Variants in RPGRIP1 observed in about 807,000 individuals in gnomAD.
The protein encoded by RPGRIP1 is RPGR interacting protein 1.
Under a neutral mutation model 157.9 loss-of-function variants are expected in RPGRIP1, and 128 were observed. The ratio of observed to expected loss-of-function variants is 0.81; its 90% CI spans 0.70 to 0.94. The LOEUF (loss-of-function observed/expected upper bound fraction) is 0.94, where lower values mean the gene tolerates loss of function less well. Ranked by LOEUF, RPGRIP1 falls within the 40% of genes least tolerant of loss-of-function variation. The pLI is 0.00. For synonymous variants in RPGRIP1, 554 were observed against 571.6 expected (o/e 0.97, Z 0.44); for missense variants, 1,486 against 1,545.8 (o/e 0.96, Z 0.65).
chr14:21,348,081 G>A lies in RPGRIP1; in HGVS notation c.3618-91G>A, dbSNP rs765188552. ...AAGGGAAAAGTGATTCAGAGAAGACGTTGTATTGTTTATGATTACTTTTAT... is the reference window on the plus strand; with the variant it reads ...AAGGGAAAAGTGATTCAGAGAAGACATTGTATTGTTTATGATTACTTTTAT... On this transcript the variant is annotated intron_variant, in intron 23 of 24. Coordinates refer to ENST00000400017, the MANE Select transcript of RPGRIP1 (RefSeq NM_020366.4). 10 of 1,079,036 alleles carry A rather than the reference G, an allele frequency of 9.3e-6. No homozygotes were observed. In the East Asian group the frequency reaches 1.5e-4, roughly 16 times the overall value. 66.8% of individuals were successfully genotyped at this position (1,079,036 alleles called of 1,614,324 possible). A position where few individuals can be genotyped will look rare whatever the true frequency, so the allele number is the denominator to read the frequency against.
chr14:21,328,985 A>G (rs1032165627), intron 19 of RPGRIP1, among the ~76,000 whole-genome samples: 14 of 151,996 alleles, frequency 9.2e-5, no homozygotes, highest in African/African-American at 3.4e-4. Flanking sequence ...CTCTACTAAA[A>G]ATACAAAAAT....
intron 4 of RPGRIP1, among the ~76,000 whole-genome samples, chr14:21,301,704 T>TAATAAG (rs1555365329): frequency 8.5e-6 from 1 of 117,046 alleles, no homozygotes; most frequent in Non-Finnish European, 1.7e-5. Flanking sequence ...ATAATAATAA[T>TAATAAG]AATAATAATA....
intron 1 of RPGRIP1, among the ~76,000 whole-genome samples, chr14:21,282,696 G>A (rs1029130322): frequency 1.5e-5 from 2 of 135,874 alleles, no homozygotes; most frequent in Non-Finnish European, 3.0e-5. Context: ...AGCAAGCTCC[G>A]CCTCCCAGGT....
rs753575515 is a variant in RPGRIP1 at position 21,324,776 on chromosome 14, G to A, written c.1921G>A (p.Ala641Thr). Residue 641 changes from alanine to threonine, a missense_variant, in exon 15 of 25, where the codon GCC (alanine) becomes ACC (threonine). Physicochemically the swap from Ala to Thr is moderately conservative, Grantham distance 58 (BLOSUM62 0). Coordinates refer to ENST00000400017, the MANE Select transcript of RPGRIP1 (RefSeq NM_020366.4). ...CCACCAGGCCTTCCTGACATCTGCCGCCCTAGCTCAGGCTGGAGATACCCA... is the reference window on the plus strand; with the variant it reads ...CCACCAGGCCTTCCTGACATCTGCCACCCTAGCTCAGGCTGGAGATACCCA... ...HIHQAFLTSA[A>T]LAQAGDTQPT... is the part of the protein sequence containing the mutation. The A allele has an allele frequency of 1.4e-5, 22 of 1,613,870 alleles. No homozygotes were observed. The highest frequency in any genetic ancestry group is 8.8e-5 in the South Asian group (8 of 91,088).
chr14:21,340,043 T>C (rs1257183869), intron 21 of RPGRIP1, among the ~76,000 whole-genome samples: 1 of 152,174 alleles, frequency 6.6e-6, no homozygotes, highest in East Asian at 1.9e-4. Flanking sequence ...ACGTTTGAAC[T>C]GAAATCTGAA....
chr14:21,285,943 C>G (rs190564933), intron 1 of RPGRIP1, among the ~76,000 whole-genome samples: 1 of 151,852 alleles, frequency 6.6e-6, no homozygotes, highest in Admixed American at 6.6e-5. Flanking sequence ...GAAAGAGACA[C>G]AGATCACTTG....
rs543898466 is a variant in RPGRIP1 at position 21,291,823 on chromosome 14, G to A, written c.86-2854G>A. Among the ~76,000 whole-genome samples, 7 of 152,218 alleles carry A rather than the reference G, an allele frequency of 4.6e-5. No individual in the cohort carries two copies. In the East Asian group the frequency reaches 5.8e-4, roughly 13 times the overall value. ...TTGCCCAGGCTGGAGGCAACGGTGCGATCTTGGCCCACTGCAACCTCCACC... is the reference window on the plus strand; with the variant it reads ...TTGCCCAGGCTGGAGGCAACGGTGCAATCTTGGCCCACTGCAACCTCCACC... On this transcript the variant is annotated intron_variant, in intron 2 of 24. Coordinates refer to ENST00000400017, the MANE Select transcript of RPGRIP1 (RefSeq NM_020366.4).
At chr14:21,303,030 C>A in intron 5 of RPGRIP1, 1 of 289,698 alleles carries the variant, frequency 3.5e-6, no homozygotes, top group South Asian at 3.8e-5. Context: ...CCACCATGCC[C>A]AGCTAATTTT....
At position 21,321,847 on chromosome 14, in the gene RPGRIP1, G is replaced by A. The variant is rs1199152816; in HGVS notation, c.1612-7G>A. ...GATAGAAAAGTTCAGACATTATTTT[G>A]TTTCAGGAGGAACTGGAGGCAATGA... On this transcript the variant is annotated splice_polypyrimidine_tract_variant and splice_region_variant and intron_variant, in intron 13 of 24. Coordinates refer to ENST00000400017, the MANE Select transcript of RPGRIP1 (RefSeq NM_020366.4). The A allele has an allele frequency of 1.2e-6, 2 of 1,609,108 alleles. No homozygotes were observed. The highest frequency in any genetic ancestry group is 1.7e-6 in the Non-Finnish European group (2 of 1,178,298).
intron 1 of RPGRIP1, among the ~76,000 whole-genome samples, chr14:21,285,218 T>C (rs1880256649): frequency 2.0e-5 from 3 of 151,770 alleles, no homozygotes; most frequent in African/African-American, 7.3e-5. Context: ...GAAGGGGAAG[T>C]GCTCAGTTCA....
intron 3 of RPGRIP1, among the ~76,000 whole-genome samples, chr14:21,296,906 T>A (rs186808402): frequency 1.3e-5 from 2 of 150,426 alleles, no homozygotes; most frequent in Non-Finnish European, 3.0e-5. Flanking sequence ...GAGCCGAAAT[T>A]GTGCCATTGC....
chr14:21,343,811 G>A (rs1055381234), intron 22 of RPGRIP1, among the ~76,000 whole-genome samples: 12 of 122,258 alleles, frequency 9.8e-5, no homozygotes, highest in Admixed American at 4.4e-4. Context: ...CATTTCTTCT[G>A]TTATTTACTT....
Position 21,317,788 on chromosome 14 carries a change from A to G in RPGRIP1, c.1244A>G (p.Asp415Gly). 1 of 1,603,350 alleles carries G rather than the reference A, an allele frequency of 6.2e-7. No homozygotes were observed. The highest frequency in any genetic ancestry group is 1.7e-4 in the Middle Eastern group (1 of 6,052). ...QLQQQVSQLQDQLDAELEDKR... is the reference protein window; with the variant it reads ...QLQQQVSQLQGQLDAELEDKR... Reference sequence around the variant, plus strand: ...CAGCAGCAAGTCTCTCAGCTGCAGGATCAGCTGGATGCTGAGCTGGAGGAC... The same window carrying G: ...CAGCAGCAAGTCTCTCAGCTGCAGGGTCAGCTGGATGCTGAGCTGGAGGAC... Residue 415 changes from aspartate (D) to glycine (G), a missense_variant, in exon 11 of 25, where the codon GAT becomes GGT. Physicochemically the swap from Asp to Gly is moderately conservative, Grantham distance 94. Coordinates refer to ENST00000400017, the MANE Select transcript of RPGRIP1 (RefSeq NM_020366.4).
Position 21,310,384 on chromosome 14 carries a change from G to A in RPGRIP1, c.907-200G>A, listed in dbSNP as rs1881492512. Reference sequence around the variant, plus strand: ...GACCCTTCATTCTTTTTTGAGAAATGGTGTGAATGATTGCAGTCACAGACT... The same window carrying A: ...GACCCTTCATTCTTTTTTGAGAAATAGTGTGAATGATTGCAGTCACAGACT... On this transcript the variant is annotated intron_variant, in intron 7 of 24. Coordinates refer to ENST00000400017, the MANE Select transcript of RPGRIP1 (RefSeq NM_020366.4). Among the ~76,000 whole-genome samples the A allele has an allele frequency of 2.0e-5, 3 of 152,078 alleles. No individual in the cohort carries two copies. In the South Asian group the frequency reaches 6.2e-4, roughly 32 times the overall value.
chr14:21,348,862 T>C lies in RPGRIP1; in HGVS notation c.3748+560T>C, dbSNP rs866949820. ...TTTTAGTAGAGACCGTGTTTTACCA[T>C]GTTGGCCAGACTGGTCTCGAACTCC... On this transcript the variant is annotated intron_variant, in intron 24 of 24. Coordinates refer to ENST00000400017, the MANE Select transcript of RPGRIP1 (RefSeq NM_020366.4). Among the ~76,000 whole-genome samples, 7 of 152,052 alleles carry C rather than the reference T, an allele frequency of 4.6e-5. No homozygotes were observed. In the South Asian group the frequency reaches 6.2e-4, roughly 14 times the overall value.
chr14:21,316,179 A>C (rs1881796261), intron 10 of RPGRIP1, among the ~76,000 whole-genome samples: 1 of 151,674 alleles, frequency 6.6e-6, no homozygotes, highest in Non-Finnish European at 1.5e-5. Context: ...GGGTTTCACC[A>C]TGTTGGGCAG....
chr14:21,282,772 G>T (rs1452482183), intron 1 of RPGRIP1, among the ~76,000 whole-genome samples: 6 of 151,938 alleles, frequency 3.9e-5, no homozygotes, highest in Non-Finnish European at 1.5e-5. Flanking sequence ...ACCACACCCG[G>T]CTAATTTTTT....
intron 18 of RPGRIP1, 93 bp from the exon 19 acceptor site, chr14:21,328,331 A>G: frequency 3.4e-6 from 3 of 882,352 alleles, no homozygotes; most frequent in Non-Finnish European, 5.3e-6. Flanking sequence ...GAGGAGAGAA[A>G]TGAAGTCTAA....
chr14:21,349,097 GTC>G (rs1157363430), intron 24 of RPGRIP1, among the ~76,000 whole-genome samples: 1 of 124,166 alleles, frequency 8.1e-6, no homozygotes, highest in Non-Finnish European at 1.6e-5. Context: ...TTGAGACAGA[GTC>G]TCTCTCTGTT....
Sources: allele counts gnomAD v4.1 joint callset (sites outside exome capture counted in the v4.1 genomes callset), GRCh38; gene constraint gnomAD v4.1.1; transcripts MANE v1.5; gene names NCBI Gene and HGNC (gene_info 2026-07-23, HGNC 2026-07-21).